The following LRRC24 variants were observed in gnomAD, a reference collection of about 807,000 sequenced individuals.
The protein encoded by LRRC24 is leucine rich repeat containing 24.
A neutral mutation model predicts 15.3 loss-of-function variants in LRRC24; 19 were observed. That is an observed-to-expected ratio of 1.25 (90% CI 0.87 to 1.83). The LOEUF (loss-of-function observed/expected upper bound fraction) is 1.83. LRRC24 is among the 40% of genes most tolerant of loss of function. LRRC24 has a pLI of 0.00. For missense variants in LRRC24, 914 were observed against 723.9 expected (o/e 1.26, Z -3.01); for synonymous variants, 469 against 359.6 (o/e 1.30, Z -3.44).
At position 144,524,202 on chromosome 8, in the gene LRRC24, A is replaced by G; in HGVS notation, c.515T>C (p.Leu172Pro). 1 of 1,612,616 alleles carries G rather than the reference A, an allele frequency of 6.2e-7. No individual in the cohort carries two copies. Among genetic ancestry groups the G allele is most frequent in the Non-Finnish European group, 8.5e-7 (1 of 1,179,900 alleles). ...EDQALAGLSS[L>P]ALLDLSRNQL... ...GTTCCTGCTGAGGTCCAGCAGTGCTAGGGAGGACAGCCCCGCTAGAGCCTG... is the reference window on the plus strand; with the variant it reads ...GTTCCTGCTGAGGTCCAGCAGTGCTGGGGAGGACAGCCCCGCTAGAGCCTG... Residue 172 changes from leucine (L) to proline (P), a missense_variant, in exon 4 of 5, where the codon CTA becomes CCA. Physicochemically the swap from Leu to Pro is moderately conservative, Grantham distance 98. Coordinates refer to ENST00000529415, the MANE Select transcript of LRRC24 (RefSeq NM_001024678.4).
In LRRC24 at chr8:144,522,453, C is replaced by G. The variant is rs1320281982; in HGVS notation, c.*22G>C. ...CGCACCGGCCAATCTCCGGCGCCCA[C>G]GTCATCCGCGCGCCCGCGGCCCTAG... On this transcript the variant is annotated 3_prime_UTR_variant, in exon 5 of 5. Coordinates refer to ENST00000529415, the MANE Select transcript of LRRC24 (RefSeq NM_001024678.4). 1 of 1,398,616 alleles carries G rather than the reference C, an allele frequency of 7.1e-7. No homozygotes were observed. 86.6% of individuals were successfully genotyped at this position (1,398,616 alleles called of 1,614,324 possible).
At position 144,524,690 on chromosome 8, in the gene LRRC24, G is replaced by T. The variant is rs2130797065; in HGVS notation, c.189C>A (p.Ala63=). Residue 63 remains alanine (A), a synonymous_variant, in exon 3 of 5, where the codon GCC becomes GCA. Coordinates refer to ENST00000529415, the MANE Select transcript of LRRC24 (RefSeq NM_001024678.4). ...GCGCCAGGGCTCCCGGCTCTAGGCG[G>T]GCGATGTTGTTGTCCTGCAGGAACA... ...QTLFLQDNNI[A]RLEPGALAPL... The T allele has an allele frequency of 1.4e-6, 2 of 1,470,442 alleles. No individual in the cohort carries two copies. Among genetic ancestry groups the T allele is most frequent in the Admixed American group, 5.4e-5 (2 of 37,136 alleles). 91.1% of individuals were successfully genotyped at this position (1,470,442 alleles called of 1,614,324 possible). A position where few individuals can be genotyped will look rare whatever the true frequency, so the allele number is the denominator to read the frequency against.
chr8:144,524,057 C>T lies in LRRC24; in HGVS notation c.607+53G>A, dbSNP rs4925830. 7 of 1,571,792 alleles carry T rather than the reference C, an allele frequency of 4.5e-6. No homozygotes were observed. The South Asian group carries it at 5.6e-5, about 13-fold the overall frequency. ...GAGCCCCTCCACACATGAGCCTGCT[C>T]CCTACTGCCAACACCGTGGCCCAGA... On this transcript the variant is annotated intron_variant, in intron 4 of 4. Coordinates refer to ENST00000529415, the MANE Select transcript of LRRC24 (RefSeq NM_001024678.4).
rs892696646 is a variant in LRRC24, at chr8:144,524,991, C to T, written c.-17G>A. 9 of 1,430,958 alleles carry T rather than the reference C, an allele frequency of 6.3e-6. No individual in the cohort carries two copies. Among genetic ancestry groups the T allele is most frequent in the African/African-American group, 1.5e-5 (1 of 68,060 alleles). The allele number at this position is 1,430,958 out of a possible 1,614,324, so 88.6% of individuals were successfully genotyped here. A position where few individuals can be genotyped will look rare whatever the true frequency, so the allele number is the denominator to read the frequency against. On this transcript the variant is annotated 5_prime_UTR_variant, in exon 2 of 5. Coordinates refer to ENST00000529415, the MANE Select transcript of LRRC24 (RefSeq NM_001024678.4). ...CAGGGCCATCTCCCGAGGCCCGGTT[C>T]CTCACCGGCCCTTCCGCGGTTCAGC...
chr8:144,523,725 A>G (rs893484718), intron 4 of LRRC24: 3 of 414,370 alleles, frequency 7.2e-6, no homozygotes, highest in Non-Finnish European at 1.3e-5. Context: ...GGGCGTCCAC[A>G]TAGACATCTC....
intron 4 of LRRC24, 147 bp downstream of exon 4, chr8:144,523,963 C>T (rs564080951): frequency 8.6e-6 from 8 of 929,468 alleles, no homozygotes; most frequent in Admixed American, 7.0e-5. Flanking sequence ...CACCCACTCC[C>T]GCAGCCCTCC....
chr8:144,526,565 C>G (rs1287311321), intron 1 of LRRC24: 1 of 152,286 alleles, frequency 6.6e-6, no homozygotes, highest in Non-Finnish European at 1.5e-5. Flanking sequence ...AGGACAACTC[C>G]CTAATCCGCT....
Position 144,522,681 on chromosome 8 carries a change from C to T in LRRC24, c.1336G>A (p.Val446Ile). 5.0e-6 allele frequency: 8 copies of T among 1,596,358 alleles called. No homozygotes were observed. Among genetic ancestry groups the T allele is most frequent in the African/African-American group, 2.7e-5 (2 of 73,734 alleles). Residue 446 changes from valine (V) to isoleucine (I), a missense_variant, in exon 5 of 5, where the codon GTC becomes ATC. Val to Ile is a conservative substitution (Grantham distance 29). Coordinates refer to ENST00000529415, the MANE Select transcript of LRRC24 (RefSeq NM_001024678.4). ...RGPPGEGALFVNDYLDGPCTF... is the reference protein window; with the variant it reads ...RGPPGEGALFINDYLDGPCTF... ...CAGGGGCCGTCCAAGTAGTCGTTGA[C>T]GAACAGCGCTCCCTCCCCCGGAGGC... is the stretch of plus-strand genomic sequence containing the variant.
At position 144,524,934 on chromosome 8, in the gene LRRC24, A is replaced by G. The variant is rs765807399; in HGVS notation, c.41T>C (p.Leu14Pro). The G allele has an allele frequency of 2.0e-4, 301 of 1,508,250 alleles. No individual in the cohort carries two copies. Among genetic ancestry groups the G allele is most frequent in the Non-Finnish European group, 2.4e-4 (273 of 1,129,808 alleles). 93.4% of individuals were successfully genotyped at this position (1,508,250 alleles called of 1,614,324 possible). The change falls in exon 2 of 5, where the codon CTA becomes CCA. Residue 14 changes from leucine to proline, a missense_variant. Physicochemically the swap from Leu to Pro is moderately conservative, Grantham distance 98. Transcript: ENST00000529415. ...GCCGGCGGCGCGGAGCGGCAGTAGT[A>G]GCAGCAGCAGCGGCAGCAGTGCGGG... ...RAPALLPLLL[L>P]LLPLRAAGCP... is the part of the protein sequence containing the mutation.
rs917667297 is a variant in LRRC24 at position 144,522,757 on chromosome 8, G to C, written c.1260C>G (p.Leu420=). The change falls in exon 5 of 5, where the codon CTC becomes CTG. Residue 420 remains leucine, a synonymous_variant. Coordinates refer to ENST00000529415, the MANE Select transcript of LRRC24 (RefSeq NM_001024678.4). ...AIALLALTAL[L]LVAMICRRRR... The stretch of plus-strand genomic sequence containing the variant: ...GCCGGCGACAGATCATGGCGACCAG[G>C]AGCAGCGCCGTGAGCGCCAGCAGCG... 6 of 1,579,408 alleles carry C rather than the reference G, an allele frequency of 3.8e-6. No individual in the cohort carries two copies. Among genetic ancestry groups the C allele is most frequent in the African/African-American group, 2.7e-5 (2 of 72,744 alleles).
At position 144,523,150 on chromosome 8, in the gene LRRC24, T is replaced by C. The variant is rs375687831; in HGVS notation, c.867A>G (p.Pro289=). ...GGGGCACCTTTCTCCAGGTCACCAA[T>C]GGCTGCGGGTAGCCGGAGGCTTGGC... ...VACQASGYPQ[P]LVTWRKVPQP... Residue 289 remains proline, a synonymous_variant, in exon 5 of 5, where the codon CCA becomes CCG. Transcript: ENST00000529415. The C allele has an allele frequency of 2.6e-5, 42 of 1,610,912 alleles. No homozygotes were observed. The highest frequency in any genetic ancestry group is 3.4e-5 in the Non-Finnish European group (40 of 1,179,390).
In LRRC24 at chr8:144,523,032, T is replaced by A. The variant is rs1270615265; in HGVS notation, c.985A>T (p.Met329Leu). 2.5e-6 allele frequency: 4 copies of A among 1,600,968 alleles called. No individual in the cohort carries two copies. The highest frequency in any genetic ancestry group is 3.4e-6 in the Non-Finnish European group (4 of 1,175,820). Residue 329 changes from methionine (M) to leucine (L), a missense_variant, in exon 5 of 5, where the codon ATG becomes TTG. Transcript: ENST00000529415. ...GHSASDTGSG[M>L]LFLSNITLAH... ...AGCGTGATGTTGCTGAGGAAGAGCATGCCGCTGCCCGTGTCGGATGCCGAG... is the reference window on the plus strand; with the variant it reads ...AGCGTGATGTTGCTGAGGAAGAGCAAGCCGCTGCCCGTGTCGGATGCCGAG...
intron 1 of LRRC24, chr8:144,525,757 A>G (rs1025886064): frequency 2.0e-5 from 3 of 152,130 alleles, no homozygotes; most frequent in Admixed American, 6.5e-5. Context: ...GTCCCCAGAA[A>G]GGTGTCCTGT....
At chr8:144,526,789 C>T (rs1252394372) in intron 1 of LRRC24, 171 bp downstream of exon 1, 1 of 152,294 alleles carries the variant, frequency 6.6e-6, no homozygotes. Context: ...CTCTGCTACC[C>T]ACGAGAGCCG....
At position 144,524,611 on chromosome 8, in the gene LRRC24, C is replaced by T. The variant is rs1409405135; in HGVS notation, c.268G>A (p.Glu90Lys). ...YLHNNSLRAL[E>K]AGAFRAQPRL... ...GGCTGCGCGCGGAAGGCGCCGGCCT[C>T]CAGGGCGCGCAGGCTGTTGTTGTGC... The change falls in exon 3 of 5, where the codon GAG (glutamate) becomes AAG (lysine). Residue 90 changes from glutamate to lysine, a missense_variant. Glu to Lys is a moderately conservative substitution (Grantham distance 56). Coordinates refer to ENST00000529415, the MANE Select transcript of LRRC24 (RefSeq NM_001024678.4). 1.3e-6 allele frequency: 2 copies of T among 1,524,638 alleles called. No individual in the cohort carries two copies. Among genetic ancestry groups the T allele is most frequent in the Non-Finnish European group, 1.7e-6 (2 of 1,144,320 alleles). 94.4% of individuals were successfully genotyped at this position (1,524,638 alleles called of 1,614,324 possible).
At position 144,522,862 on chromosome 8, in the gene LRRC24, G is replaced by A; in HGVS notation, c.1155C>T (p.Ser385=). The A allele has an allele frequency of 3.1e-6, 4 of 1,270,462 alleles. 1 individual carries two copies. Among genetic ancestry groups the A allele is most frequent in the Non-Finnish European group, 3.9e-6 (4 of 1,014,888 alleles). 78.7% of individuals were successfully genotyped at this position (1,270,462 alleles called of 1,614,324 possible). ...PPPPAARPAG[S]EPRPEAGSMA... Reference sequence around the variant, plus strand: ...TGCTGCCCGCCTCGGGCCGGGGCTCGCTGCCGGCGGGGCGGGCGGCCGGAG... The same window carrying A: ...TGCTGCCCGCCTCGGGCCGGGGCTCACTGCCGGCGGGGCGGGCGGCCGGAG... The change falls in exon 5 of 5, where the codon AGC becomes AGT. Residue 385 remains serine (S), a synonymous_variant. Transcript: ENST00000529415.
Position 144,524,245 on chromosome 8 carries a change from T to G in LRRC24, c.472A>C (p.Ile158Leu). ...AGAGCCTGGTCCTCCAGCAGCTCAA[T>G]GCTGTTTTCTTGCAGGTGAAGCTCC... is the stretch of plus-strand genomic sequence containing the variant. ...LQELHLQENS[I>L]ELLEDQALAG... Residue 158 changes from isoleucine (I) to leucine (L), a missense_variant, in exon 4 of 5, where the codon ATT becomes CTT. Ile to Leu is a conservative substitution (Grantham distance 5). Transcript: ENST00000529415. 6.2e-7 allele frequency: 1 copy of G among 1,612,572 alleles called. No homozygotes were observed. The highest frequency in any genetic ancestry group is 8.5e-7 in the Non-Finnish European group (1 of 1,179,974).
In LRRC24 at chr8:144,522,988, G is replaced by T; in HGVS notation, c.1029C>A (p.Tyr343Ter). 1 of 1,595,444 alleles carries T rather than the reference G, an allele frequency of 6.3e-7. No individual in the cohort carries two copies. ...CGCCGGCGTTGGAGGCCTCGCACTC[G>T]TACTTACCGGCGTGCGCCAGCGTGA... is the stretch of plus-strand genomic sequence containing the variant. ...SNITLAHAGK[Y>*]ECEASNAGGA... The change falls in exon 5 of 5, where the codon TAC (tyrosine) becomes TAA (stop). Residue 343 changes from tyrosine to a stop codon, truncating the protein, a stop_gained. Coordinates refer to ENST00000529415, the MANE Select transcript of LRRC24 (RefSeq NM_001024678.4). LOFTEE classifies it low-confidence loss of function (END_TRUNC).
rs1182359729 is a variant in LRRC24, at chr8:144,522,480, A to G, written c.1537T>C (p.Cys513Arg). 3 of 1,483,500 alleles carry G rather than the reference A, an allele frequency of 2.0e-6. No individual in the cohort carries two copies. The highest frequency in any genetic ancestry group is 2.8e-5 in the East Asian group (1 of 36,038). The allele number at this position is 1,483,500 out of a possible 1,614,324, so 91.9% of individuals were successfully genotyped here. A position where few individuals can be genotyped will look rare whatever the true frequency, so the allele number is the denominator to read the frequency against. The change falls in exon 5 of 5, where the codon TGC (cysteine) becomes CGC (arginine). Residue 513 changes from cysteine (C) to arginine (R), a missense_variant. Physicochemically the swap from Cys to Arg is radical, Grantham distance 180. Coordinates refer to ENST00000529415, the MANE Select transcript of LRRC24 (RefSeq NM_001024678.4). ...TCATCCGCGCGCCCGCGGCCCTAGC[A>G]GTGGATCTCGTAGGCGACCGGCGGG... The part of the protein sequence containing the change: ...VPPPVAYEIH[C>R]
Sources: allele counts gnomAD v4.1 joint callset, GRCh38; gene constraint gnomAD v4.1.1; transcripts MANE v1.5; gene names NCBI Gene and HGNC (gene_info 2026-07-23, HGNC 2026-07-21).